The following MAP3K19 variants were observed in gnomAD, a reference collection of about 807,000 sequenced individuals.
MAP3K19 encodes the protein mitogen-activated protein kinase kinase kinase 19.
MAP3K19 carries 91 observed loss-of-function variants against 114.4 expected under a neutral mutation model. The observed-to-expected ratio is 0.80, with a 90% confidence interval of 0.67 to 0.95. MAP3K19 has a LOEUF of 0.95. MAP3K19 is among the 40% of genes least tolerant of loss of function. MAP3K19 has a pLI of 0.00. For synonymous variants in MAP3K19, 518 were observed against 530.5 expected (o/e 0.98, Z 0.32); for missense variants, 1,471 against 1,573.2 (o/e 0.94, Z 1.10).
chr2:135,014,737 A>G (rs574877192), intron 5 of MAP3K19, among the ~76,000 whole-genome samples: 37 of 152,206 alleles, frequency 2.4e-4, no homozygotes, highest in Non-Finnish European at 3.8e-4. Context: ...TTCTAACACC[A>G]TAGATTAGCT....
chr2:134,994,636 T>G (rs1452778886), intron 8 of MAP3K19, among the ~76,000 whole-genome samples: 1 of 152,152 alleles, frequency 6.6e-6, no homozygotes, highest in East Asian at 1.9e-4. Context: ...CAGGCAGGTG[T>G]TTGGATTATC....
At chr2:135,003,843 A>T (rs1686624649) in intron 6 of MAP3K19, among the ~76,000 whole-genome samples, 1 of 152,170 alleles carries the variant, frequency 6.6e-6, no homozygotes, top group Admixed American at 6.5e-5. Context: ...CGTGAGCCAC[A>T]GTGCCCGGTC....
At chr2:134,995,991 G>A (rs561682753) in intron 8 of MAP3K19, among the ~76,000 whole-genome samples, 6 of 152,122 alleles carry the variant, frequency 3.9e-5, no homozygotes, top group African/African-American at 1.4e-4. Context: ...CCAGGCTGGA[G>A]TGCAATGGAC....
Position 134,998,787 on chromosome 2 carries a change from G to A in MAP3K19, c.525C>T (p.Thr175=), listed in dbSNP as rs779878762. Residue 175 remains threonine, a synonymous_variant, in exon 8 of 13, where the codon ACC becomes ACT. Transcript: ENST00000392915. ...TCAGAAAATGAGGAGCATCTTCTCT[G>A]GTTACAGACTTGGAAATGTTCAGTT... ...CLELNISKSV[T]REDAPHFLKE... is the part of the protein sequence containing the mutation. 6.2e-7 allele frequency: 1 copy of A among 1,611,778 alleles called. No individual in the cohort carries two copies. Among genetic ancestry groups the A allele is most frequent in the Non-Finnish European group, 8.5e-7 (1 of 1,178,376 alleles).
intron 8 of MAP3K19, among the ~76,000 whole-genome samples, chr2:134,992,675 A>ATTTT (rs11414198): frequency 6.7e-6 from 1 of 148,296 alleles, no homozygotes; most frequent in African/African-American, 2.5e-5. Context: ...AGAGCTGCAG[A>ATTTT]TTTTTTTTTT....
chr2:135,037,670 A>G (rs1245401461), intron 2 of MAP3K19, among the ~76,000 whole-genome samples: 1 of 152,154 alleles, frequency 6.6e-6, no homozygotes, highest in African/African-American at 2.4e-5. Flanking sequence ...GCTTATTTGT[A>G]TAGTGAATGG....
intron 3 of MAP3K19, among the ~76,000 whole-genome samples, chr2:135,025,509 CAGAG>C (rs1485558953): frequency 6.6e-6 from 1 of 151,648 alleles, no homozygotes; most frequent in East Asian, 1.9e-4. Flanking sequence ...CCTCAGCCTC[CAGAG>C]TAGCTGGGAC....
In MAP3K19 at chr2:135,025,152, C is replaced by T. The variant is rs560091891; in HGVS notation, c.-94-411G>A. Among the ~76,000 whole-genome samples the T allele has an allele frequency of 1.1e-3, 172 of 151,810 alleles. 1 individual carries two copies. The highest frequency in any genetic ancestry group is 3.7e-3 in the African/African-American group (155 of 41,420). ...ATGATTGTCTTATCATTCCAAATAG[C>T]TCACTTGATTTTTTTCTTTTCAATA... On this transcript the variant is annotated intron_variant, in intron 3 of 12. Coordinates refer to ENST00000392915, the MANE Select transcript of MAP3K19 (RefSeq NM_025052.5).
chr2:135,028,865 ATTAG>A (rs1255593655), intron 3 of MAP3K19, among the ~76,000 whole-genome samples: 5 of 152,176 alleles, frequency 3.3e-5, no homozygotes, highest in Non-Finnish European at 5.9e-5. Context: ...GTGGGAATTA[ATTAG>A]TTAATTTTTT....
chr2:135,026,180 C>A (rs113638208), intron 3 of MAP3K19, among the ~76,000 whole-genome samples: 5 of 152,086 alleles, frequency 3.3e-5, no homozygotes, highest in African/African-American at 7.3e-5. Flanking sequence ...GAATTCCCAA[C>A]TTTGGACAAA....
chr2:135,036,998 T>C (rs1558746373), intron 2 of MAP3K19, among the ~76,000 whole-genome samples: 4 of 126,242 alleles, frequency 3.2e-5, no homozygotes, highest in African/African-American at 1.7e-4. Flanking sequence ...AGTAAAACAT[T>C]CTTTTTTTTT....
chr2:134,983,152 T>TTCTA (rs375143838), intron 11 of MAP3K19: 1 of 525,024 alleles, frequency 1.9e-6, no homozygotes, highest in Non-Finnish European at 3.9e-6. Flanking sequence ...AACTTATTTC[T>TTCTA]TCTATCTGAC....
chr2:135,016,962 T>C (rs1277532488), intron 5 of MAP3K19, among the ~76,000 whole-genome samples: 6 of 152,192 alleles, frequency 3.9e-5, no homozygotes, highest in African/African-American at 1.4e-4. Flanking sequence ...ACTCATATCA[T>C]TTGGTTCTGA....
At chr2:135,007,377 C>T (rs1435299607) in intron 5 of MAP3K19, among the ~76,000 whole-genome samples, 1 of 152,086 alleles carries the variant, frequency 6.6e-6, no homozygotes, top group Non-Finnish European at 1.5e-5. Flanking sequence ...ATAATGACAT[C>T]AGGGTAAATG....
intron 12 of MAP3K19, among the ~76,000 whole-genome samples, chr2:134,970,493 G>A (rs938409186): frequency 7.2e-5 from 11 of 151,754 alleles, no homozygotes; most frequent in African/African-American, 2.7e-4. Context: ...TTACTGAATC[G>A]ATCTAAGAGT....
intron 9 of MAP3K19, among the ~76,000 whole-genome samples, chr2:134,989,859 A>G (rs1376952576): frequency 6.6e-6 from 1 of 152,154 alleles, no homozygotes; most frequent in Non-Finnish European, 1.5e-5. Flanking sequence ...AGGCAATCGG[A>G]TCACTCAAGG....
chr2:134,979,969 G>A (rs1263689614), intron 12 of MAP3K19, among the ~76,000 whole-genome samples: 1 of 152,130 alleles, frequency 6.6e-6, no homozygotes, highest in Non-Finnish European at 1.5e-5. Context: ...GCTAAAAGAT[G>A]GGACACTGGA....
At chr2:135,000,245 G>A (rs1018755311) in intron 6 of MAP3K19, among the ~76,000 whole-genome samples, 3 of 152,160 alleles carry the variant, frequency 2.0e-5, no homozygotes, top group African/African-American at 7.2e-5. Context: ...TTTTACAGAT[G>A]TAAAATAAAG....
chr2:135,018,280 G>GGAAAAAAAAA (rs1687719698), intron 5 of MAP3K19, among the ~76,000 whole-genome samples: 1 of 26,100 alleles, frequency 3.8e-5, no homozygotes, highest in Non-Finnish European at 6.6e-5. Context: ...GGCAACAACA[G>GGAAAAAAAAA]CAAAAAAAAA....
Sources: gnomAD v4.1 joint callset for allele counts (sites outside exome capture counted in the v4.1 genomes callset) on GRCh38, gnomAD v4.1.1 for gene constraint, MANE v1.5 for transcripts, NCBI Gene and HGNC (gene_info 2026-07-23, HGNC 2026-07-21) for gene names.